Variants in CAMK1D observed in about 807,000 individuals in gnomAD.
CAMK1D encodes the protein calcium/calmodulin-dependent protein kinase type 1D.
CAMK1D carries 9 observed loss-of-function variants against 47.7 expected under a neutral mutation model. The observed-to-expected ratio is 0.19, with a 90% CI of 0.11 to 0.33. The LOEUF is 0.33. Among genes scored for constraint, CAMK1D ranks in the 10% least tolerant of loss-of-function variants. The pLI, the probability that CAMK1D is intolerant of heterozygous loss-of-function variation, is 1.00. For synonymous variants in CAMK1D, 184 were observed against 184.9 expected (o/e 0.99, Z 0.04); for missense variants, 291 against 488.7 (o/e 0.60, Z 3.81).
At chr10:12,718,438 G>A (rs1168482805) in intron 3 of CAMK1D, among the ~76,000 whole-genome samples, 1 of 152,090 alleles carries the variant, frequency 6.6e-6, no homozygotes, top group African/African-American at 2.4e-5. Flanking sequence ...CTTCAGTGAC[G>A]GTACCCACAA....
chr10:12,468,069 G>A (rs971666660), intron 1 of CAMK1D, among the ~76,000 whole-genome samples: 2 of 152,098 alleles, frequency 1.3e-5, no homozygotes, highest in African/African-American at 4.8e-5. Context: ...TAATTTTTAT[G>A]TTTTGAGACA....
At chr10:12,822,653 T>A (rs1301725523) in intron 8 of CAMK1D, among the ~76,000 whole-genome samples, 1 of 152,190 alleles carries the variant, frequency 6.6e-6, no homozygotes, top group Non-Finnish European at 1.5e-5. Context: ...CACTTTGGCC[T>A]TGTCGTTTCT....
chr10:12,497,097 C>G (rs907589724), intron 1 of CAMK1D, among the ~76,000 whole-genome samples: 1 of 152,158 alleles, frequency 6.6e-6, no homozygotes, highest in African/African-American at 2.4e-5. Context: ...TCATCGTATT[C>G]CATGGTGTAT....
At chr10:12,493,732 G>A (rs1045943846) in intron 1 of CAMK1D, among the ~76,000 whole-genome samples, 2 of 152,142 alleles carry the variant, frequency 1.3e-5, no homozygotes, top group Non-Finnish European at 2.9e-5. Context: ...GACCTCTGGT[G>A]ATCTGCCTGC....
intron 9 of CAMK1D, 64 bp from the exon 10 acceptor site, chr10:12,825,509 A>G: frequency 2.0e-6 from 3 of 1,478,364 alleles, no homozygotes; most frequent in South Asian, 1.2e-5. Context: ...ACAAGAGAAC[A>G]CAGTTAGAGT....
At chr10:12,395,765 A>T (rs980982698) in intron 1 of CAMK1D, among the ~76,000 whole-genome samples, 5 of 150,536 alleles carry the variant, frequency 3.3e-5, no homozygotes, top group Non-Finnish European at 5.9e-5. Context: ...CATCTCTATG[A>T]AAAATACAAA....
At chr10:12,673,286 T>C (rs1048377769) in intron 3 of CAMK1D, among the ~76,000 whole-genome samples, 4 of 152,018 alleles carry the variant, frequency 2.6e-5, no homozygotes, top group Admixed American at 2.0e-4. Context: ...TTTTGATTAA[T>C]AAACGTAAGT....
At chr10:12,352,857 C>T (rs1157389180) in intron 1 of CAMK1D, among the ~76,000 whole-genome samples, 2 of 151,526 alleles carry the variant, frequency 1.3e-5, no homozygotes, top group Non-Finnish European at 2.9e-5. Context: ...CTGTCTCAGC[C>T]TCCCGAGTAA....
At chr10:12,538,323 C>T (rs1018000622) in intron 1 of CAMK1D, among the ~76,000 whole-genome samples, 1 of 152,090 alleles carries the variant, frequency 6.6e-6, no homozygotes, top group African/African-American at 2.4e-5. Context: ...CTGTGACCCT[C>T]GCGTTTATAA....
intron 1 of CAMK1D, among the ~76,000 whole-genome samples, chr10:12,483,558 C>T (rs757730558): frequency 6.6e-6 from 1 of 151,982 alleles, no homozygotes; most frequent in Non-Finnish European, 1.5e-5. Context: ...GAGATGTGGT[C>T]TTGTTATGTT....
intron 1 of CAMK1D, among the ~76,000 whole-genome samples, chr10:12,430,055 C>T (rs1588476774): frequency 6.6e-6 from 1 of 152,010 alleles, no homozygotes; most frequent in South Asian, 2.1e-4. Flanking sequence ...TTCTGATTTC[C>T]TCTGCTTCAT....
intron 1 of CAMK1D, among the ~76,000 whole-genome samples, chr10:12,448,153 C>CT (rs981925128): frequency 2.7e-5 from 4 of 149,410 alleles, no homozygotes; most frequent in African/African-American, 7.4e-5. Flanking sequence ...GACTCCTGGA[C>CT]TTTTTTACTT....
At chr10:12,714,595 TG>T (rs948787395) in intron 3 of CAMK1D, among the ~76,000 whole-genome samples, 11 of 152,116 alleles carry the variant, frequency 7.2e-5, no homozygotes, top group African/African-American at 2.7e-4. Flanking sequence ...GGCAGGTGCC[TG>T]TAATCTCATC....
chr10:12,767,584 T>A (rs1291220046), intron 4 of CAMK1D, among the ~76,000 whole-genome samples: 1 of 152,164 alleles, frequency 6.6e-6, no homozygotes, highest in Non-Finnish European at 1.5e-5. Flanking sequence ...AGGGCACAGC[T>A]TGGTTTTATA....
intron 8 of CAMK1D, among the ~76,000 whole-genome samples, chr10:12,819,613 C>T (rs1034746084): frequency 1.3e-5 from 2 of 152,256 alleles, no homozygotes; most frequent in Non-Finnish European, 2.9e-5. Context: ...AAGCGTTGCA[C>T]ATCTGTGATA....
chr10:12,554,749 G>A (rs969036916), intron 2 of CAMK1D, among the ~76,000 whole-genome samples: 2 of 151,606 alleles, frequency 1.3e-5, no homozygotes, highest in Non-Finnish European at 2.9e-5. Flanking sequence ...TCACTGTGTT[G>A]CCCAGGCTGG....
chr10:12,675,495 A>C (rs1840775918), intron 3 of CAMK1D, among the ~76,000 whole-genome samples: 1 of 152,152 alleles, frequency 6.6e-6, no homozygotes, highest in Admixed American at 6.5e-5. Context: ...TCCTTGACTT[A>C]TCCTTTTCTC....
intron 1 of CAMK1D, among the ~76,000 whole-genome samples, chr10:12,469,477 C>G (rs998995812): frequency 6.6e-6 from 1 of 152,120 alleles, no homozygotes; most frequent in Admixed American, 6.5e-5. Flanking sequence ...AAGGGGACAT[C>G]TGCATCGTAT....
rs777086478 is a variant in CAMK1D at position 12,387,495 on chromosome 10, T to TA, written c.92+37585_92+37586insA. Among the ~76,000 whole-genome samples the TA allele has an allele frequency of 2.2e-3, 297 of 137,332 alleles. 4 individuals carry two copies. The highest frequency in any genetic ancestry group is 3.6e-3 in the Middle Eastern group (1 of 276). The allele number at this position is 137,332 out of a possible 152,430, so 90.1% of individuals were successfully genotyped here. ...TTGTAAACTCTTAATGAAAGTTATA[T>TA]TATGTGTATCTCGGTTGCTTTTTTT... is the stretch of plus-strand genomic sequence containing the variant. On this transcript the variant is annotated intron_variant, in intron 1 of 10. Transcript: ENST00000619168.
Sources: gnomAD v4.1 joint callset for allele counts (sites outside exome capture counted in the v4.1 genomes callset) on GRCh38, gnomAD v4.1.1 for gene constraint, MANE v1.5 for transcripts, NCBI Gene and HGNC (gene_info 2026-07-23, HGNC 2026-07-21) for gene names.